The following KCNJ6 variants were observed in gnomAD, a reference collection of about 807,000 sequenced individuals.
KCNJ6 encodes the protein G protein-activated inward rectifier potassium channel 2.
A neutral mutation model predicts 34.2 loss-of-function variants in KCNJ6; 9 were observed. That is an observed-to-expected ratio of 0.26 (90% CI 0.16 to 0.46). The LOEUF is 0.46. Among genes scored for constraint, KCNJ6 ranks in the 20% least tolerant of loss-of-function variants. KCNJ6 has a pLI of 1.00. For missense variants in KCNJ6, 236 were observed against 531.3 expected, an observed-to-expected ratio of 0.44 and a Z score of 5.46; for synonymous variants, 196 against 207.1, an observed-to-expected ratio of 0.95 and a Z score of 0.46.
intron 2 of KCNJ6, among the ~76,000 whole-genome samples, chr21:37,823,450 A>G (rs2055383783): frequency 6.6e-6 from 1 of 152,180 alleles, no homozygotes; most frequent in African/African-American, 2.4e-5. Flanking sequence ...ATCTCAAATT[A>G]TAATCTCCAT....
rs113587330 is a variant in KCNJ6, at chr21:37,731,100, A to AGTGTGTGTGTGTGTGT, written c.26-15985_26-15970dup. Among the ~76,000 whole-genome samples, 835 of 134,750 alleles carry AGTGTGTGTGTGTGTGT rather than the reference A, an allele frequency of 6.2e-3. 6 individuals are homozygous for AGTGTGTGTGTGTGTGT. The highest frequency in any genetic ancestry group is 0.02 in the African/African-American group (784 of 39,762). 88.4% of individuals were successfully genotyped at this position (134,750 alleles called of 152,430 possible). A position where few individuals can be genotyped will look rare whatever the true frequency, so the allele number is the denominator to read the frequency against. On this transcript the variant is annotated intron_variant, in intron 2 of 3. Coordinates refer to ENST00000609713, the MANE Select transcript of KCNJ6 (RefSeq NM_002240.5). ...TCTGCCATTGCAGATAGATGAGAGA[A>AGTGTGTGTGTGTGTGT]GTGTGTGTGTGTGTGTGTGTGTGTG...
intron 3 of KCNJ6, among the ~76,000 whole-genome samples, chr21:37,642,151 C>A (rs186389919): frequency 1.6e-4 from 24 of 152,210 alleles, no homozygotes; most frequent in African/African-American, 5.8e-4. Context: ...ACAGAAGAGG[C>A]CTTGGTTAGA....
intron 1 of KCNJ6, among the ~76,000 whole-genome samples, chr21:37,844,187 C>T (rs2055495014): frequency 6.6e-6 from 1 of 151,874 alleles, no homozygotes; most frequent in African/African-American, 2.4e-5. Flanking sequence ...GCCTCCCAAG[C>T]AGCTGGGATT....
At chr21:37,908,165 C>T (rs963079982) in intron 1 of KCNJ6, among the ~76,000 whole-genome samples, 4 of 152,156 alleles carry the variant, frequency 2.6e-5, no homozygotes, top group African/African-American at 4.8e-5. Flanking sequence ...GTAAGAGAAC[C>T]GGAAGTATTA....
At chr21:37,645,897 CT>C (rs10715629) in intron 3 of KCNJ6, among the ~76,000 whole-genome samples, 152,250 of 152,264 alleles carry the variant, frequency 1, 76,118 homozygotes, top group Non-Finnish European at 1. Context: ...AAGTCCCTCA[CT>C]TCTTCGGACT....
intron 1 of KCNJ6, among the ~76,000 whole-genome samples, chr21:37,874,586 C>A (rs1207633095): frequency 6.6e-6 from 1 of 152,220 alleles, no homozygotes; most frequent in Non-Finnish European, 1.5e-5. Flanking sequence ...TTCTGATGAA[C>A]CCACTCTGTA....
chr21:37,719,505 G>C (rs1291372243), intron 2 of KCNJ6: 1 of 152,182 alleles, frequency 6.6e-6, no homozygotes, highest in African/African-American at 2.4e-5. Context: ...ATAATGTAGA[G>C]GGGGTACACC....
intron 2 of KCNJ6, among the ~76,000 whole-genome samples, chr21:37,829,386 C>T (rs184356066): frequency 1.6e-4 from 24 of 152,292 alleles, no homozygotes; most frequent in African/African-American, 4.6e-4. Flanking sequence ...AGGTGCCTTT[C>T]ATGTTCCCTC....
chr21:37,880,180 G>T (rs533575797), intron 1 of KCNJ6, among the ~76,000 whole-genome samples: 8 of 152,246 alleles, frequency 5.3e-5, no homozygotes, highest in Admixed American at 3.3e-4. Context: ...GGGAGACTGA[G>T]GCAGGAGAAT....
At chr21:37,905,367 T>C (rs370909478) in intron 1 of KCNJ6, among the ~76,000 whole-genome samples, 2 of 152,192 alleles carry the variant, frequency 1.3e-5, no homozygotes, top group African/African-American at 4.8e-5. Flanking sequence ...TATGAGCTCA[T>C]GTACCATGCC....
intron 2 of KCNJ6, among the ~76,000 whole-genome samples, chr21:37,763,029 G>C (rs975666655): frequency 6.6e-6 from 1 of 152,152 alleles, no homozygotes; most frequent in Admixed American, 6.5e-5. Flanking sequence ...TAAATGACAC[G>C]CAGCCACCAG....
intron 2 of KCNJ6, among the ~76,000 whole-genome samples, chr21:37,824,119 G>A (rs1398773086): frequency 1.3e-5 from 2 of 152,136 alleles, no homozygotes; most frequent in East Asian, 3.9e-4. Flanking sequence ...AGAGACAAAT[G>A]CATTTTTAAA....
intron 2 of KCNJ6, among the ~76,000 whole-genome samples, chr21:37,781,419 A>G (rs761098343): frequency 4.6e-5 from 7 of 152,132 alleles, no homozygotes; most frequent in Non-Finnish European, 8.8e-5. Flanking sequence ...TTCTTGACAC[A>G]GGAATCCTAG....
intron 3 of KCNJ6, among the ~76,000 whole-genome samples, chr21:37,641,581 G>A (rs1051054087): frequency 2.6e-5 from 4 of 152,104 alleles, no homozygotes; most frequent in African/African-American, 4.8e-5. Context: ...GATGGATAAG[G>A]CAACGTGTGG....
At chr21:37,755,456 A>G (rs945566877) in intron 2 of KCNJ6, among the ~76,000 whole-genome samples, 3 of 152,182 alleles carry the variant, frequency 2.0e-5, no homozygotes, top group Non-Finnish European at 4.4e-5. Flanking sequence ...TTTCATCTGG[A>G]ATTCAAAGTC....
At chr21:37,763,609 C>T (rs2055076849) in intron 2 of KCNJ6, among the ~76,000 whole-genome samples, 1 of 152,192 alleles carries the variant, frequency 6.6e-6, no homozygotes, top group South Asian at 2.1e-4. Context: ...CTTCTGGTAT[C>T]TGGACAATGC....
At chr21:37,686,699 T>C (rs1242067901) in intron 3 of KCNJ6, among the ~76,000 whole-genome samples, 2 of 152,078 alleles carry the variant, frequency 1.3e-5, no homozygotes, top group South Asian at 4.1e-4. Context: ...ACTCCTGACC[T>C]CAGGTGATCT....
At chr21:37,793,256 A>G (rs555700603) in intron 2 of KCNJ6, among the ~76,000 whole-genome samples, 2 of 152,308 alleles carry the variant, frequency 1.3e-5, no homozygotes, top group African/African-American at 4.8e-5. Flanking sequence ...TATTTCATTT[A>G]CATATGGAGG....
chr21:37,888,224 T>G (rs2055745099), intron 1 of KCNJ6, among the ~76,000 whole-genome samples: 1 of 152,208 alleles, frequency 6.6e-6, no homozygotes, highest in African/African-American at 2.4e-5. Flanking sequence ...CCCTTTCTGA[T>G]TCCCCTCAGA....
Sources: allele counts gnomAD v4.1 joint callset (sites outside exome capture counted in the v4.1 genomes callset), GRCh38; gene constraint gnomAD v4.1.1; transcripts MANE v1.5; gene names NCBI Gene and HGNC (gene_info 2026-07-23, HGNC 2026-07-21).